CNTNAP2: variants seen among roughly 807,000 people sequenced by gnomAD.
CNTNAP2 encodes the protein contactin-associated protein-like 2.
A neutral mutation model predicts 155.2 loss-of-function variants in CNTNAP2; 98 were observed. That is an observed-to-expected ratio of 0.63 (90% CI 0.54 to 0.75). The LOEUF (loss-of-function observed/expected upper bound fraction) is 0.75. CNTNAP2 is among the 30% of genes least tolerant of loss of function. The pLI is 0.00. For synonymous variants in CNTNAP2, 651 were observed against 631.2 expected (o/e 1.03, Z -0.47); for missense variants, 1,727 against 1,688.1 (o/e 1.02, Z -0.40).
chr7:147,792,465 A>G (rs1797835161), intron 13 of CNTNAP2, among the ~76,000 whole-genome samples: 1 of 151,910 alleles, frequency 6.6e-6, no homozygotes, highest in Non-Finnish European at 1.5e-5. Flanking sequence ...TCTTTCACTT[A>G]GCATAATGTT....
intron 13 of CNTNAP2, among the ~76,000 whole-genome samples, chr7:147,688,162 C>G (rs1334219679): frequency 6.6e-6 from 1 of 152,054 alleles, no homozygotes; most frequent in African/African-American, 2.4e-5. Flanking sequence ...AAAAATATAT[C>G]TTCTTACCAT....
intron 15 of CNTNAP2, among the ~76,000 whole-genome samples, chr7:148,025,832 AAAC>A: frequency 6.6e-6 from 1 of 152,362 alleles, no homozygotes; most frequent in East Asian, 1.9e-4. Flanking sequence ...TAATGAGAGA[AAAC>A]AGCAGGATCC....
At chr7:146,687,558 A>G (rs1172712975) in intron 1 of CNTNAP2, among the ~76,000 whole-genome samples, 1 of 151,462 alleles carries the variant, frequency 6.6e-6, no homozygotes, top group East Asian at 1.9e-4. Context: ...TGATGCAAAT[A>G]GATGAATTTT....
chr7:147,883,308 C>CT (rs886215284), intron 13 of CNTNAP2, among the ~76,000 whole-genome samples: 7 of 152,056 alleles, frequency 4.6e-5, no homozygotes, highest in African/African-American at 1.4e-4. Context: ...CTGGTTTACT[C>CT]TTTTTTTTGA....
intron 13 of CNTNAP2, among the ~76,000 whole-genome samples, chr7:147,882,078 A>G (rs1371825466): frequency 6.6e-6 from 1 of 152,204 alleles, no homozygotes; most frequent in Non-Finnish European, 1.5e-5. Context: ...GTTACAATAT[A>G]TGCAATGTAA....
chr7:148,029,274 C>G (rs1018991766), intron 15 of CNTNAP2, among the ~76,000 whole-genome samples: 11 of 152,150 alleles, frequency 7.2e-5, no homozygotes, highest in Non-Finnish European at 1.2e-4. Context: ...ATAAATTTCA[C>G]CAAGTAGCTA....
chr7:146,549,330 G>T (rs1035096131), intron 1 of CNTNAP2, among the ~76,000 whole-genome samples: 4 of 151,774 alleles, frequency 2.6e-5, no homozygotes, highest in African/African-American at 9.7e-5. Context: ...ATTTAATTCT[G>T]CCAGAGCAAA....
chr7:147,932,113 T>C (rs1027227117), intron 14 of CNTNAP2, among the ~76,000 whole-genome samples: 3 of 152,126 alleles, frequency 2.0e-5, no homozygotes, highest in Non-Finnish European at 4.4e-5. Flanking sequence ...CTCAAACTCC[T>C]GGGCTCAAGT....
chr7:148,071,704 T>C (rs542159580), intron 15 of CNTNAP2, among the ~76,000 whole-genome samples: 3 of 152,382 alleles, frequency 2.0e-5, no homozygotes, highest in Non-Finnish European at 4.4e-5. Context: ...TCTGAAGGTA[T>C]GAATTGAGGA....
rs552907295 is a variant in CNTNAP2 at position 146,247,832 on chromosome 7, G to T, written c.97+130859G>T. Reference sequence around the variant, plus strand: ...GAAGAAGGAGGAATGGAGGGTGGATGGTTGCCCATAGTGAAGGAGGCTAGC... The same window carrying T: ...GAAGAAGGAGGAATGGAGGGTGGATTGTTGCCCATAGTGAAGGAGGCTAGC... On this transcript the variant is annotated intron_variant, in intron 1 of 23. Transcript: ENST00000361727. 3.1e-4 allele frequency among the ~76,000 whole-genome samples: 47 copies of T among 152,250 alleles called. No individual in the cohort carries two copies. The East Asian group carries it at 3.7e-3, about 12-fold the overall frequency.
intron 3 of CNTNAP2, among the ~76,000 whole-genome samples, chr7:146,873,487 G>A (rs1454448187): frequency 2.0e-5 from 3 of 152,150 alleles, no homozygotes; most frequent in African/African-American, 7.2e-5. Context: ...TGTGTGCCAG[G>A]GACTTTTTTA....
At chr7:146,244,004 T>G (rs554319544) in intron 1 of CNTNAP2, among the ~76,000 whole-genome samples, 37 of 152,092 alleles carry the variant, frequency 2.4e-4, no homozygotes, top group African/African-American at 8.7e-4. Flanking sequence ...GATTTTGTGG[T>G]AAGGGGTGAT....
At chr7:147,769,380 C>G (rs141022837) in intron 13 of CNTNAP2, among the ~76,000 whole-genome samples, 15 of 152,254 alleles carry the variant, frequency 9.9e-5, no homozygotes, top group African/African-American at 3.1e-4. Flanking sequence ...TCTGGAATAA[C>G]TTTCTCACAA....
intron 22 of CNTNAP2, among the ~76,000 whole-genome samples, chr7:148,385,766 C>T (rs1268895483): frequency 3.6e-5 from 2 of 54,824 alleles, no homozygotes; most frequent in Non-Finnish European, 7.6e-5. Flanking sequence ...TTTTTGGAGA[C>T]AGACAGAGTC....
At chr7:148,365,832 A>G (rs376961435) in intron 21 of CNTNAP2, among the ~76,000 whole-genome samples, 7,702 of 43,362 alleles carry the variant, frequency 0.18, 3,399 homozygotes, top group East Asian at 0.52. Context: ...ATGTGTATGC[A>G]TGTATACATG....
chr7:146,147,249 G>A (rs1797970610), intron 1 of CNTNAP2, among the ~76,000 whole-genome samples: 2 of 152,226 alleles, frequency 1.3e-5, no homozygotes, highest in East Asian at 3.9e-4. Context: ...GTTTAATTGG[G>A]AAGGAAGCAC....
chr7:146,371,334 T>C (rs1795230830), intron 1 of CNTNAP2, among the ~76,000 whole-genome samples: 2 of 151,598 alleles, frequency 1.3e-5, no homozygotes, highest in African/African-American at 4.8e-5. Context: ...CTTATGTAAG[T>C]TATTTTGCAA....
intron 20 of CNTNAP2, among the ~76,000 whole-genome samples, chr7:148,257,432 AG>A (rs1199214657): frequency 2.0e-5 from 3 of 152,086 alleles, no homozygotes; most frequent in Non-Finnish European, 4.4e-5. Context: ...CTTCTTCTTG[AG>A]TATCTCTATA....
chr7:147,034,961 C>T (rs1443640419), intron 3 of CNTNAP2, among the ~76,000 whole-genome samples: 3 of 118,450 alleles, frequency 2.5e-5, no homozygotes, highest in African/African-American at 6.7e-5. Flanking sequence ...CACTTAGTTC[C>T]GTGGGCACAG....
Sources: allele counts gnomAD v4.1 joint callset (sites outside exome capture counted in the v4.1 genomes callset), GRCh38; gene constraint gnomAD v4.1.1; transcripts MANE v1.5; gene names NCBI Gene and HGNC (gene_info 2026-07-23, HGNC 2026-07-21).